DIP2B: variants seen among roughly 807,000 people sequenced by gnomAD.
DIP2B encodes the protein disco-interacting protein 2 homolog B.
DIP2B carries 76 observed loss-of-function variants against 198.0 expected under a neutral mutation model. The ratio of observed to expected loss-of-function variants is 0.38; its 90% CI spans 0.32 to 0.46. The LOEUF (loss-of-function observed/expected upper bound fraction) is 0.46, where lower values mean the gene tolerates loss of function less well. Ranked by LOEUF, DIP2B falls within the 20% of genes least tolerant of loss-of-function variation. The pLI is 0.99. For missense variants in DIP2B, 1,559 were observed against 1,978.4 expected (o/e 0.79, Z 4.02); for synonymous variants, 701 against 739.1 (o/e 0.95, Z 0.84).
chr12:50,538,067 A>T (rs1218898596), intron 1 of DIP2B, among the ~76,000 whole-genome samples: 1 of 152,212 alleles, frequency 6.6e-6, no homozygotes, highest in East Asian at 1.9e-4. Flanking sequence ...ATAGATACCG[A>T]GGAGTCTTCA....
In DIP2B at chr12:50,744,567, A is replaced by G. The variant is rs1940314535; in HGVS notation, c.4479-20A>G. On this transcript the variant is annotated intron_variant, in intron 37 of 37. Transcript: ENST00000301180. The stretch of plus-strand genomic sequence containing the variant: ...TGAAAAATGTAGTGACAAGTTAATG[A>G]ATTGTCATTGAAATTTCAGTGCCGT... 1 of 1,610,010 alleles carries G rather than the reference A, an allele frequency of 6.2e-7. No individual in the cohort carries two copies. The highest frequency in any genetic ancestry group is 2.2e-5 in the East Asian group (1 of 44,778).
At chr12:50,736,189 G>A (rs1036065251) in intron 34 of DIP2B, among the ~76,000 whole-genome samples, 3 of 152,162 alleles carry the variant, frequency 2.0e-5, no homozygotes, top group Non-Finnish European at 2.9e-5. Flanking sequence ...CTCACTTTCC[G>A]TTTGCATCTG....
intron 1 of DIP2B, among the ~76,000 whole-genome samples, chr12:50,516,868 AGG>A (rs1001974658): frequency 6.6e-6 from 1 of 151,920 alleles, no homozygotes; most frequent in Non-Finnish European, 1.5e-5. Context: ...CCAGCTACTC[AGG>A]AGGCTAGGCT....
At chr12:50,712,864 C>T (rs553978193) in intron 22 of DIP2B, among the ~76,000 whole-genome samples, 3 of 152,232 alleles carry the variant, frequency 2.0e-5, no homozygotes, top group South Asian at 2.1e-4. Context: ...GCTGAGATCA[C>T]GCCATCGGAC....
intron 1 of DIP2B, among the ~76,000 whole-genome samples, chr12:50,606,114 C>A (rs1264028317): frequency 1.3e-5 from 2 of 152,144 alleles, no homozygotes; most frequent in Admixed American, 6.6e-5. Context: ...TGAGCCACCG[C>A]ACCTGGCCTT....
At chr12:50,512,992 G>T (rs1298482021) in intron 1 of DIP2B, among the ~76,000 whole-genome samples, 1 of 152,176 alleles carries the variant, frequency 6.6e-6, no homozygotes, top group African/African-American at 2.4e-5. Context: ...GGGCGACAGA[G>T]CGAGACACCA....
At chr12:50,559,709 C>CACACA (rs148691581) in intron 1 of DIP2B, among the ~76,000 whole-genome samples, 1 of 139,520 alleles carries the variant, frequency 7.2e-6, no homozygotes, top group African/African-American at 2.7e-5. Context: ...GTGACAGAAA[C>CACACA]CACACACACA....
chr12:50,578,320 C>G (rs533571981), intron 1 of DIP2B, among the ~76,000 whole-genome samples: 1 of 151,134 alleles, frequency 6.6e-6, no homozygotes, highest in Non-Finnish European at 1.5e-5. Flanking sequence ...TTTTATACTT[C>G]GAATGGATGT....
At chr12:50,702,486 C>T (rs1392915338) in intron 19 of DIP2B, among the ~76,000 whole-genome samples, 1 of 151,916 alleles carries the variant, frequency 6.6e-6, no homozygotes. Flanking sequence ...CTCTGGAACC[C>T]GGGAGGCGGA....
intron 2 of DIP2B, among the ~76,000 whole-genome samples, chr12:50,631,122 T>G (rs1399123074): frequency 1.3e-5 from 2 of 151,940 alleles, no homozygotes; most frequent in Admixed American, 1.3e-4. Context: ...AGTTTCCTCC[T>G]CCTCCTTCTT....
chr12:50,735,151 T>C (rs1940114415), intron 34 of DIP2B, 21 bp downstream of exon 34: 2 of 1,613,844 alleles, frequency 1.2e-6, no homozygotes, highest in Admixed American at 3.3e-5. Flanking sequence ...CTGTTGACCA[T>C]GGGGAAGGTG....
At chr12:50,655,064 T>C (rs1565860226) in intron 3 of DIP2B, 1 of 439,008 alleles carries the variant, frequency 2.3e-6, no homozygotes. Context: ...AGTGTAAAAA[T>C]ATATTTGCAG....
intron 1 of DIP2B, among the ~76,000 whole-genome samples, chr12:50,539,236 C>CT (rs11336743): frequency 3.9e-4 from 53 of 135,350 alleles, no homozygotes; most frequent in Admixed American, 8.9e-4. Context: ...TTTCTTTTTT[C>CT]TTTTTTTTTT....
chr12:50,721,061 A>T (rs900511438), intron 25 of DIP2B, among the ~76,000 whole-genome samples: 1 of 152,064 alleles, frequency 6.6e-6, no homozygotes, highest in Non-Finnish European at 1.5e-5. Flanking sequence ...CTCCCACCTC[A>T]TCCTCCCAAA....
chr12:50,678,252 A>G (rs2139531727), intron 7 of DIP2B, among the ~76,000 whole-genome samples: 1 of 152,112 alleles, frequency 6.6e-6, no homozygotes, highest in South Asian at 2.1e-4. Flanking sequence ...AATACTAGTA[A>G]AAAGTCAATG....
chr12:50,729,217 C>T (rs1565884326), intron 30 of DIP2B, among the ~76,000 whole-genome samples: 1 of 152,202 alleles, frequency 6.6e-6, no homozygotes. Context: ...GCCTGCAGCT[C>T]AAGCTCAACG....
At chr12:50,591,985 C>G (rs1790376225) in intron 1 of DIP2B, among the ~76,000 whole-genome samples, 1 of 150,346 alleles carries the variant, frequency 6.7e-6, no homozygotes, top group African/African-American at 2.4e-5. Context: ...TCAAGTGATT[C>G]TCCTGCCTCA....
chr12:50,675,333 TC>T lies in DIP2B; in HGVS notation c.803del (p.Pro268LeufsTer14). Reference protein sequence around the residue: ...SSLMDTADGVPVSSRVSTKIQ... With the variant: ...SSLMDTADGVXVSSRVSTKIQ... ...TAACCATTTTTTCCCTTATAGGTGT[TC>T]CTGTCAGTAGCAGAGTATCTACAAA... On this transcript the variant is annotated frameshift_variant, in exon 7 of 38. Coordinates refer to ENST00000301180, the MANE Select transcript of DIP2B (RefSeq NM_173602.3). LOFTEE classifies it high-confidence loss of function. The T allele has an allele frequency of 6.2e-7, 1 of 1,612,246 alleles. No homozygotes were observed. Among genetic ancestry groups the T allele is most frequent in the Non-Finnish European group, 8.5e-7 (1 of 1,178,830 alleles).
chr12:50,519,696 G>C (rs1958098159), intron 1 of DIP2B, among the ~76,000 whole-genome samples: 1 of 151,972 alleles, frequency 6.6e-6, no homozygotes, highest in Non-Finnish European at 1.5e-5. Context: ...TGCAGAAAGA[G>C]TTTTTAGTCT....
Sources: gnomAD v4.1 joint callset for allele counts (sites outside exome capture counted in the v4.1 genomes callset) on GRCh38, gnomAD v4.1.1 for gene constraint, MANE v1.5 for transcripts, NCBI Gene and HGNC (gene_info 2026-07-23, HGNC 2026-07-21) for gene names.